The following MTUS1 variants were observed in gnomAD, a reference collection of about 807,000 sequenced individuals.
MTUS1 encodes the protein microtubule-associated tumor suppressor 1.
A neutral mutation model predicts 120.8 loss-of-function variants in MTUS1; 109 were observed. The observed-to-expected ratio is 0.90, with a 90% CI of 0.77 to 1.06. The LOEUF (loss-of-function observed/expected upper bound fraction) is 1.06. Ranked by LOEUF, MTUS1 falls within the 50% of genes least tolerant of loss-of-function variation. The probability of loss-of-function intolerance (pLI) is 0.00; values close to 1 mark genes in which losing one functional copy is unlikely to be tolerated. For synonymous variants in MTUS1, 737 were observed against 550.5 expected, an observed-to-expected ratio of 1.34 and a Z score of -4.74; for missense variants, 2,210 against 1,486.3, an observed-to-expected ratio of 1.49 and a Z score of -8.01.
intron 3 of MTUS1, among the ~76,000 whole-genome samples, chr8:17,733,570 G>C (rs968502881): frequency 6.6e-6 from 1 of 152,072 alleles, no homozygotes; most frequent in African/African-American, 2.4e-5. Flanking sequence ...GTGTAAACTT[G>C]ATAAACTATC....
At chr8:17,710,057 A>G (rs558522285) in intron 6 of MTUS1, among the ~76,000 whole-genome samples, 1 of 152,268 alleles carries the variant, frequency 6.6e-6, no homozygotes, top group East Asian at 1.9e-4. Context: ...AAAAAATGCT[A>G]AAGATCATCT....
In MTUS1 at chr8:17,754,457, A is replaced by G; in HGVS notation, c.1351T>C (p.Cys451Arg). ...SVSPIEATEK[C>R]KKVEKGNRGL... is the part of the protein sequence containing the mutation. ...CGATTACCCTTCTCCACTTTCTTACATTTCTCCGTCGCTTCAATCGGTGAA... is the reference window on the plus strand; with the variant it reads ...CGATTACCCTTCTCCACTTTCTTACGTTTCTCCGTCGCTTCAATCGGTGAA... Residue 451 changes from cysteine to arginine, a missense_variant, in exon 2 of 15, where the codon TGT (cysteine) becomes CGT (arginine). Coordinates refer to ENST00000693296, the MANE Select transcript of MTUS1 (RefSeq NM_001363059.2). 6.2e-7 allele frequency: 1 copy of G among 1,613,796 alleles called. No individual in the cohort carries two copies. The highest frequency in any genetic ancestry group is 8.5e-7 in the Non-Finnish European group (1 of 1,179,930).
intron 1 of MTUS1, among the ~76,000 whole-genome samples, chr8:17,774,376 C>T (rs1427031547): frequency 6.6e-6 from 1 of 152,178 alleles, no homozygotes; most frequent in Non-Finnish European, 1.5e-5. Flanking sequence ...CTAGTACCAC[C>T]TCAGTCTCAA....
At chr8:17,685,866 AATT>A (rs1815680569) in intron 6 of MTUS1, among the ~76,000 whole-genome samples, 1 of 152,238 alleles carries the variant, frequency 6.6e-6, no homozygotes, top group Admixed American at 6.5e-5. Context: ...TATTATTAGC[AATT>A]ATTAGTAGTA....
At chr8:17,660,749 G>A (rs563830685) in intron 8 of MTUS1, among the ~76,000 whole-genome samples, 40 of 152,224 alleles carry the variant, frequency 2.6e-4, no homozygotes, top group African/African-American at 7.7e-4. Context: ...GTACATCACT[G>A]TGGTTATGAT....
chr8:17,664,104 A>G (rs768262052), intron 8 of MTUS1: 4 of 152,210 alleles, frequency 2.6e-5, no homozygotes, highest in South Asian at 2.1e-4. Flanking sequence ...TAACAGAAAT[A>G]TAACAGTTAA....
chr8:17,697,590 G>T, intron 6 of MTUS1: 1 of 1,331,122 alleles, frequency 7.5e-7, no homozygotes, highest in Non-Finnish European at 9.6e-7. Context: ...ACTTTCAGAT[G>T]TTGCCAAAAT....
At chr8:17,668,712 A>C (rs1192628087) in intron 8 of MTUS1, among the ~76,000 whole-genome samples, 4 of 152,202 alleles carry the variant, frequency 2.6e-5, no homozygotes. Flanking sequence ...GCACATGTGC[A>C]GGTTTGTTAT....
chr8:17,731,580 C>T lies in MTUS1; in HGVS notation c.2288-7747G>A, dbSNP rs893751651. On this transcript the variant is annotated intron_variant, in intron 3 of 14. Coordinates refer to ENST00000693296, the MANE Select transcript of MTUS1 (RefSeq NM_001363059.2). ...TAGGTCAGTCTTCTTGAGTAGGGAC[C>T]GTCTTATTATGCATAAAAACACAGG... 4.6e-5 allele frequency among the ~76,000 whole-genome samples: 7 copies of T among 151,702 alleles called. No individual in the cohort carries two copies. In the South Asian group the frequency reaches 6.3e-4, roughly 14 times the overall value.
chr8:17,683,116 CA>C (rs1377608528), intron 7 of MTUS1, among the ~76,000 whole-genome samples: 1 of 151,882 alleles, frequency 6.6e-6, no homozygotes, highest in African/African-American at 2.4e-5. Context: ...ACTAAAAATA[CA>C]AAAAACTAGC....
chr8:17,732,463 G>C (rs532688923), intron 3 of MTUS1, among the ~76,000 whole-genome samples: 3 of 152,296 alleles, frequency 2.0e-5, no homozygotes, highest in East Asian at 1.9e-4. Flanking sequence ...GGAGAGTCCA[G>C]GGAGCACCCC....
chr8:17,762,521 G>A lies in MTUS1; in HGVS notation c.-154-6560C>T, dbSNP rs756021942. Among the ~76,000 whole-genome samples, 3 of 152,158 alleles carry A rather than the reference G, an allele frequency of 2.0e-5. No individual in the cohort carries two copies. The East Asian group carries it at 5.8e-4, about 29-fold the overall frequency. ...AGCCACCTCAAGCACTACGTTTAAC[G>A]GAGCATGTCTACCACCTAGGAACCG... On this transcript the variant is annotated intron_variant, in intron 1 of 14. Coordinates refer to ENST00000693296, the MANE Select transcript of MTUS1 (RefSeq NM_001363059.2).
At position 17,675,078 on chromosome 8, in the gene MTUS1, C is replaced by T. The variant is rs188509602; in HGVS notation, c.2905+108G>A. On this transcript the variant is annotated intron_variant, in intron 8 of 14. Transcript: ENST00000693296. ...TGCCCAGATACTAGACAGGGAGTGCCAACAGCTCCCAGCATGCAACTCCAG... is the reference window on the plus strand; with the variant it reads ...TGCCCAGATACTAGACAGGGAGTGCTAACAGCTCCCAGCATGCAACTCCAG... 1.7e-5 allele frequency: 27 copies of T among 1,564,192 alleles called. No individual in the cohort carries two copies. The East Asian group carries it at 3.9e-4, about 23-fold the overall frequency.
intron 1 of MTUS1, among the ~76,000 whole-genome samples, chr8:17,762,045 C>T (rs979789658): frequency 2.6e-5 from 4 of 152,042 alleles, no homozygotes; most frequent in Non-Finnish European, 4.4e-5. Flanking sequence ...TTTGGGAAGC[C>T]GAGGTGGGCG....
intron 4 of MTUS1, among the ~76,000 whole-genome samples, chr8:17,718,368 C>T (rs1463647108): frequency 9.2e-5 from 14 of 152,294 alleles, no homozygotes; most frequent in Non-Finnish European, 7.3e-5. Flanking sequence ...TGTAAAATAT[C>T]CTAGTTCTGG....
chr8:17,712,625 C>T (rs1325298800), intron 6 of MTUS1, among the ~76,000 whole-genome samples: 1 of 152,156 alleles, frequency 6.6e-6, no homozygotes, highest in Non-Finnish European at 1.5e-5. Flanking sequence ...AGGTGTGAGC[C>T]ACTGGGCCCA....
At chr8:17,767,227 A>C (rs1332556426) in intron 1 of MTUS1, among the ~76,000 whole-genome samples, 1 of 147,532 alleles carries the variant, frequency 6.8e-6, no homozygotes, top group Non-Finnish European at 1.5e-5. Flanking sequence ...TTTATAAAAA[A>C]CAGTTTCATA....
chr8:17,645,701 CT>C lies in MTUS1; in HGVS notation c.*224del, dbSNP rs551619767. The C allele has an allele frequency of 5.7e-6, 3 of 530,288 alleles. No individual in the cohort carries two copies. Among genetic ancestry groups the C allele is most frequent in the Non-Finnish European group, 9.4e-6 (3 of 319,966 alleles). 32.8% of individuals were successfully genotyped at this position (530,288 alleles called of 1,614,324 possible). On this transcript the variant is annotated 3_prime_UTR_variant, in exon 15 of 15. Coordinates refer to ENST00000693296, the MANE Select transcript of MTUS1 (RefSeq NM_001363059.2). ...ACAACGTCCGTGTCGATGCCGAAAT[CT>C]TTTTTTAAATCTTTTTTTGGAGGAA...
At chr8:17,710,492 C>T (rs565240449) in intron 6 of MTUS1, among the ~76,000 whole-genome samples, 15 of 152,314 alleles carry the variant, frequency 9.8e-5, no homozygotes, top group African/African-American at 3.6e-4. Flanking sequence ...GCAATGCAGT[C>T]ACACCTTAGG....
Sources: gnomAD v4.1 joint callset for allele counts (sites outside exome capture counted in the v4.1 genomes callset) on GRCh38, gnomAD v4.1.1 for gene constraint, MANE v1.5 for transcripts, NCBI Gene and HGNC (gene_info 2026-07-23, HGNC 2026-07-21) for gene names.